ANKRD44: variants seen among roughly 807,000 people sequenced by gnomAD.
ANKRD44 encodes the protein serine/threonine-protein phosphatase 6 regulatory ankyrin repeat subunit B.
ANKRD44 carries 35 observed loss-of-function variants against 116.0 expected under a neutral mutation model. The ratio of observed to expected loss-of-function variants is 0.30; its 90% CI spans 0.23 to 0.40. ANKRD44 has a LOEUF of 0.40. Among genes scored for constraint, ANKRD44 ranks in the 10% least tolerant of loss-of-function variants. ANKRD44 has a pLI of 1.00. For synonymous variants in ANKRD44, 435 were observed against 461.8 expected, an observed-to-expected ratio of 0.94 and a Z score of 0.74; for missense variants, 1,014 against 1,242.6, an observed-to-expected ratio of 0.82 and a Z score of 2.77.
rs149006528 is a variant in ANKRD44, at chr2:197,023,813, T to A, written c.1722+1383A>T. ...TGGGCAGGGATTCTAGCAAGCAACC[T>A]GTACTAAGGGCCAACTGGCATGAAG... On this transcript the variant is annotated intron_variant, in intron 17 of 27. Transcript: ENST00000282272. 3.1e-3 allele frequency among the ~76,000 whole-genome samples: 470 copies of A among 152,306 alleles called. 2 individuals are homozygous for A. Among genetic ancestry groups the A allele is most frequent in the African/African-American group, 0.011 (443 of 41,576 alleles).
chr2:197,208,955 G>A (rs1301351562), intron 1 of ANKRD44, among the ~76,000 whole-genome samples: 2 of 152,302 alleles, frequency 1.3e-5, no homozygotes, highest in East Asian at 3.9e-4. Flanking sequence ...AGAACATAGT[G>A]TGATTCATCC....
chr2:197,148,289 C>T (rs956660448), intron 2 of ANKRD44, among the ~76,000 whole-genome samples: 3 of 152,232 alleles, frequency 2.0e-5, no homozygotes, highest in South Asian at 2.1e-4. Flanking sequence ...CTTCTTTATC[C>T]CCATAGTAGC....
chr2:197,054,386 GAA>G (rs35682810), intron 16 of ANKRD44, among the ~76,000 whole-genome samples: 1 of 151,218 alleles, frequency 6.6e-6, no homozygotes, highest in Non-Finnish European at 1.5e-5. Flanking sequence ...CAACTTCCAA[GAA>G]AAAAAAAATC....
intron 2 of ANKRD44, among the ~76,000 whole-genome samples, chr2:197,165,847 A>G (rs1394830353): frequency 6.6e-6 from 1 of 152,220 alleles, no homozygotes; most frequent in African/African-American, 2.4e-5. Flanking sequence ...AATCATTTAT[A>G]TAGTGATAAT....
chr2:197,107,134 C>T (rs2078451283), intron 9 of ANKRD44, among the ~76,000 whole-genome samples: 1 of 152,124 alleles, frequency 6.6e-6, no homozygotes, highest in Non-Finnish European at 1.5e-5. Context: ...TTAGTATCCT[C>T]TAAGCATTCA....
intron 27 of ANKRD44, among the ~76,000 whole-genome samples, chr2:196,992,084 G>C (rs2075928516): frequency 6.6e-6 from 1 of 152,174 alleles, no homozygotes; most frequent in Non-Finnish European, 1.5e-5. Context: ...TTAAGTCTTT[G>C]ACTTGATTAT....
chr2:197,211,872 G>A (rs1158443218), intron 1 of ANKRD44, among the ~76,000 whole-genome samples: 5 of 152,024 alleles, frequency 3.3e-5, no homozygotes, highest in African/African-American at 1.2e-4. Context: ...CAAGAAAGGT[G>A]ATCGACAGAT....
intron 1 of ANKRD44, among the ~76,000 whole-genome samples, chr2:197,271,773 T>A (rs1276080543): frequency 6.6e-6 from 1 of 152,118 alleles, no homozygotes; most frequent in Non-Finnish European, 1.5e-5. Context: ...CACCATTTTT[T>A]AAATTTTTTG....
At chr2:197,045,756 A>G (rs2076990407) in intron 16 of ANKRD44, among the ~76,000 whole-genome samples, 1 of 152,184 alleles carries the variant, frequency 6.6e-6, no homozygotes, top group Non-Finnish European at 1.5e-5. Flanking sequence ...CTTCTAAATA[A>G]CATGTACTCA....
At chr2:197,111,322 A>C (rs990824493) in intron 8 of ANKRD44, among the ~76,000 whole-genome samples, 6 of 152,142 alleles carry the variant, frequency 3.9e-5, no homozygotes, top group African/African-American at 1.2e-4. Context: ...AAGCTGACCA[A>C]ATGGCTCTGA....
At chr2:197,286,071 T>C (rs1019194112) in intron 1 of ANKRD44, among the ~76,000 whole-genome samples, 27 of 152,198 alleles carry the variant, frequency 1.8e-4, no homozygotes, top group Non-Finnish European at 5.9e-5. Flanking sequence ...AGCCTTTCCA[T>C]TTGACCATTG....
chr2:196,999,166 A>G, intron 23 of ANKRD44, 114 bp from the exon 24 acceptor site: 1 of 1,271,582 alleles, frequency 7.9e-7, no homozygotes, highest in South Asian at 1.5e-5. Context: ...TTCTCAGTTT[A>G]TAGACATAGT....
At chr2:197,171,621 T>G (rs957282606) in intron 2 of ANKRD44, among the ~76,000 whole-genome samples, 1 of 152,220 alleles carries the variant, frequency 6.6e-6, no homozygotes, top group Non-Finnish European at 1.5e-5. Flanking sequence ...ATGTAAGATA[T>G]GCACTTGTCA....
chr2:196,967,357 G>T (rs1285206437), exon 22 of ANKRD44: 2 of 461,550 alleles, frequency 4.3e-6, no homozygotes, highest in Non-Finnish European at 9.1e-6. Context: ...TTCTGTGGCT[G>T]GGATAAAGTG....
intron 1 of ANKRD44, among the ~76,000 whole-genome samples, chr2:197,243,292 G>C (rs757106643): frequency 7.2e-5 from 11 of 151,770 alleles, no homozygotes; most frequent in Admixed American, 5.9e-4. Flanking sequence ...GCCAACAGCA[G>C]GAAGAAAGAC....
chr2:197,151,334 C>T (rs1174758555), intron 2 of ANKRD44, among the ~76,000 whole-genome samples: 2 of 152,156 alleles, frequency 1.3e-5, no homozygotes, highest in Non-Finnish European at 2.9e-5. Flanking sequence ...ACTGAAGAAC[C>T]AGCAAGAATT....
chr2:196,990,028 G>T, intron 27 of ANKRD44: 2 of 1,032,290 alleles, frequency 1.9e-6, no homozygotes, highest in South Asian at 3.6e-5. Flanking sequence ...CTTGTTATAG[G>T]GAACACTGTG....
chr2:197,124,631 T>C (rs2078934415), intron 6 of ANKRD44, among the ~76,000 whole-genome samples: 1 of 152,222 alleles, frequency 6.6e-6, no homozygotes, highest in Non-Finnish European at 1.5e-5. Flanking sequence ...AACAATCTCC[T>C]GTGGATGGGC....
At chr2:197,182,293 C>T (rs2697234) in intron 2 of ANKRD44, among the ~76,000 whole-genome samples, 145,608 of 152,220 alleles carry the variant, frequency 0.96, 69,671 homozygotes, top group East Asian at 1. Flanking sequence ...CCATTAACCA[C>T]AGAAACCATA....
Sources: gnomAD v4.1 joint callset for allele counts (sites outside exome capture counted in the v4.1 genomes callset) on GRCh38, gnomAD v4.1.1 for gene constraint, MANE v1.5 for transcripts, NCBI Gene and HGNC (gene_info 2026-07-23, HGNC 2026-07-21) for gene names.